RYR2: variants seen among roughly 807,000 people sequenced by gnomAD.
RYR2 encodes ryanodine receptor 2.
A neutral mutation model predicts 601.1 loss-of-function variants in RYR2; 227 were observed. The observed-to-expected ratio is 0.38, with a 90% CI of 0.34 to 0.42. The LOEUF is 0.42. Among genes scored for constraint, RYR2 ranks in the 10% least tolerant of loss-of-function variants. The pLI, the probability that RYR2 is intolerant of heterozygous loss-of-function variation, is 1.00. For missense variants in RYR2, 4,646 were observed against 6,156.5 expected (o/e 0.75, Z 8.21); for synonymous variants, 2,223 against 2,175.1 (o/e 1.02, Z -0.61).
At chr1:237,550,101 C>T (rs942354642) in intron 26 of RYR2, among the ~76,000 whole-genome samples, 7 of 152,076 alleles carry the variant, frequency 4.6e-5, no homozygotes, top group African/African-American at 1.4e-4. Context: ...GTCCATAACA[C>T]GCTGGAATTT....
At chr1:237,312,455 C>T (rs1043366634) in intron 2 of RYR2, among the ~76,000 whole-genome samples, 2 of 152,188 alleles carry the variant, frequency 1.3e-5, no homozygotes, top group African/African-American at 4.8e-5. Flanking sequence ...CCCGCACTTG[C>T]AGTAATAATC....
chr1:237,756,663 T>C (rs1692980766), intron 81 of RYR2, among the ~76,000 whole-genome samples: 1 of 152,146 alleles, frequency 6.6e-6, no homozygotes, highest in African/African-American at 2.4e-5. Context: ...ACTGATCCTA[T>C]AAAATGGGGG....
intron 86 of RYR2, among the ~76,000 whole-genome samples, chr1:237,772,814 A>G (rs1694375645): frequency 6.6e-6 from 1 of 151,980 alleles, no homozygotes; most frequent in South Asian, 2.1e-4. Context: ...GTGCATTTTG[A>G]AGTCAGTACA....
chr1:237,182,811 A>G (rs930996311), intron 1 of RYR2, among the ~76,000 whole-genome samples: 1 of 152,186 alleles, frequency 6.6e-6, no homozygotes, highest in Admixed American at 6.5e-5. Flanking sequence ...GAAGATGGGA[A>G]AAGTAGCCAG....
Position 237,569,269 on chromosome 1 carries a change from T to C in RYR2, c.3548T>C (p.Leu1183Pro). ...TTCACACTGAATGGTGAAATCCTTC[T>C]TGATGATTCAGGCTCAGAACTGGCT... is the stretch of plus-strand genomic sequence containing the variant. ...MMFTLNGEIL[L>P]DDSGSELAFK... The change falls in exon 29 of 105, where the codon CTT (leucine) becomes CCT (proline). Residue 1183 changes from leucine (L) to proline (P), a missense_variant. Around this residue, in one of 17 missense-constraint regions of RYR2, gnomAD observed 1,807 missense variants for 2,088.1 expected, o/e 0.87. Coordinates refer to ENST00000366574, the MANE Select transcript of RYR2 (RefSeq NM_001035.3). The C allele has an allele frequency of 6.2e-7, 1 of 1,613,946 alleles. No homozygotes were observed. The highest frequency in any genetic ancestry group is 8.5e-7 in the Non-Finnish European group (1 of 1,179,858).
At chr1:237,362,588 A>G (rs1156506341) in intron 4 of RYR2, among the ~76,000 whole-genome samples, 1 of 152,088 alleles carries the variant, frequency 6.6e-6, no homozygotes, top group Non-Finnish European at 1.5e-5. Context: ...AAACTAATAT[A>G]CTCATCTTTT....
In RYR2 at chr1:237,180,982, A is replaced by G. The variant is rs1300133526; in HGVS notation, c.49-89515A>G. Among the ~76,000 whole-genome samples the G allele has an allele frequency of 3.3e-5, 5 of 151,458 alleles. No individual in the cohort carries two copies. The highest frequency in any genetic ancestry group is 1.2e-4 in the African/African-American group (5 of 41,214). On this transcript the variant is annotated intron_variant, in intron 1 of 104. Coordinates refer to ENST00000366574, the MANE Select transcript of RYR2 (RefSeq NM_001035.3). This position sits in a 1 kb window ranked among gnomAD's most constrained non-coding sequence, Gnocchi z 5.3. ...ATCCAATATGCTAAGCACTTTTATT[A>G]TTTATTTGTTTATTTTTTTAAGACA... is the stretch of plus-strand genomic sequence containing the variant.
intron 40 of RYR2, among the ~76,000 whole-genome samples, chr1:237,626,813 A>G (rs971917212): frequency 6.6e-6 from 1 of 151,428 alleles, no homozygotes; most frequent in African/African-American, 2.4e-5. Context: ...GTCTCAAGCA[A>G]TCCATCCACC....
At chr1:237,146,629 A>T (rs1334891393) in intron 1 of RYR2, among the ~76,000 whole-genome samples, 1 of 152,058 alleles carries the variant, frequency 6.6e-6, no homozygotes. Context: ...GCATTTTTTC[A>T]CCAGTTTCTG....
At chr1:237,270,649 T>C (rs1572424980) in intron 2 of RYR2, 33 bp downstream of exon 2, 6 of 1,555,358 alleles carry the variant, frequency 3.9e-6, no homozygotes, top group Non-Finnish European at 5.2e-6. Flanking sequence ...TATTCAAATA[T>C]GCAAGTTTTA....
rs1327066117 is a variant in RYR2 at position 237,441,402 on chromosome 1, A to G, written c.1089A>G (p.Ile363Met). The change falls in exon 13 of 105, where the codon ATA becomes ATG. Residue 363 changes from isoleucine to methionine, a missense_variant. Physicochemically the swap from Ile to Met is conservative, Grantham distance 10. Coordinates refer to ENST00000366574, the MANE Select transcript of RYR2 (RefSeq NM_001035.3). ...AATACGGTGACTCAGTATGCTATATACAACATGTAGACACAGGCCTATGGC... is the reference window on the plus strand; with the variant it reads ...AATACGGTGACTCAGTATGCTATATGCAACATGTAGACACAGGCCTATGGC... ...EIKYGDSVCY[I>M]QHVDTGLWLT... The G allele has an allele frequency of 6.2e-7, 1 of 1,613,606 alleles. No individual in the cohort carries two copies. The highest frequency in any genetic ancestry group is 1.3e-5 in the African/African-American group (1 of 74,946).
At chr1:237,465,141 C>G (rs1361561653) in intron 16 of RYR2, among the ~76,000 whole-genome samples, 1 of 151,748 alleles carries the variant, frequency 6.6e-6, no homozygotes, top group Non-Finnish European at 1.5e-5. Context: ...TCAGGAGGTA[C>G]TCTATTTTAC....
chr1:237,081,078 A>G (rs2148392761), intron 1 of RYR2, among the ~76,000 whole-genome samples: 1 of 76,132 alleles, frequency 1.3e-5, no homozygotes, highest in African/African-American at 5.2e-5. Context: ...GGAATTGAAC[A>G]ATGAGATCAC....
rs558910032 is a variant in RYR2 at position 237,723,130 on chromosome 1, G to T, written c.10557G>T (p.Leu3519Phe). Residue 3519 changes from leucine (L) to phenylalanine (F), a missense_variant and splice_region_variant, in exon 74 of 105, where the codon TTG becomes TTT. Leu to Phe is a conservative substitution (Grantham distance 22). Coordinates refer to ENST00000366574, the MANE Select transcript of RYR2 (RefSeq NM_001035.3). Reference protein sequence around the residue: ...IRSNIHLQGKLEDPAIRWQMA... With the variant: ...IRSNIHLQGKFEDPAIRWQMA... The stretch of plus-strand genomic sequence containing the variant: ...TAACCTTTTCCTTTTTTCTGCAGTT[G>T]GAGGATCCTGCTATTAGATGGCAAA... 9 of 1,601,732 alleles carry T rather than the reference G, an allele frequency of 5.6e-6. No homozygotes were observed. In the South Asian group the frequency reaches 1.0e-4, roughly 18 times the overall value.
chr1:237,752,863 G>A (rs140116422), intron 80 of RYR2, among the ~76,000 whole-genome samples: 3,628 of 152,256 alleles, frequency 0.024, 42 homozygotes, highest in Middle Eastern at 0.048. Flanking sequence ...TAAATTATGG[G>A]AAATTTAAGG....
chr1:237,827,304 G>T (rs1473437112), intron 101 of RYR2, among the ~76,000 whole-genome samples: 2 of 152,152 alleles, frequency 1.3e-5, no homozygotes, highest in African/African-American at 4.8e-5. Flanking sequence ...CACAGTCAAT[G>T]AAATTATGGA....
intron 2 of RYR2, among the ~76,000 whole-genome samples, chr1:237,289,301 T>C (rs1250844981): frequency 6.6e-6 from 1 of 152,168 alleles, no homozygotes; most frequent in Non-Finnish European, 1.5e-5. Flanking sequence ...AGCTGCAATC[T>C]AGTCCTGCCT....
At chr1:237,740,378 A>G (rs12567537) in intron 79 of RYR2, among the ~76,000 whole-genome samples, 8,924 of 152,262 alleles carry the variant, frequency 0.059, 323 homozygotes, top group Non-Finnish European at 0.085. Flanking sequence ...AAAAATCACA[A>G]ATTTTAACTT....
chr1:237,819,903 C>T lies in RYR2; in HGVS notation c.14590+711C>T, dbSNP rs1235994860. Among the ~76,000 whole-genome samples the T allele has an allele frequency of 1.3e-5, 2 of 151,992 alleles. No individual in the cohort carries two copies. Among genetic ancestry groups the T allele is most frequent in the Non-Finnish European group, 2.9e-5 (2 of 68,004 alleles). ...TGTTGAGATTTTTAAAAATGACATA[C>T]AGGCCAGGCGCAGGGGCTCACGCCT... On this transcript the variant is annotated intron_variant, in intron 101 of 104. Transcript: ENST00000366574. This position sits in a 1 kb window ranked among gnomAD's most constrained non-coding sequence, Gnocchi z 4.0.
Sources: allele counts gnomAD v4.1 joint callset (sites outside exome capture counted in the v4.1 genomes callset), GRCh38; gene constraint gnomAD v4.1.1; regional missense constraint gnomAD v4.1.1; non-coding constraint Gnocchi (gnomAD v3.1); transcripts MANE v1.5; gene names NCBI Gene and HGNC (gene_info 2026-07-23, HGNC 2026-07-21).